The following TOP2B variants were observed in gnomAD, a reference collection of about 807,000 sequenced individuals.
TOP2B encodes the protein DNA topoisomerase II beta.
A neutral mutation model predicts 193.5 loss-of-function variants in TOP2B; 51 were observed. The ratio of observed to expected loss-of-function variants is 0.26; its 90% confidence interval spans 0.21 to 0.33. The LOEUF is 0.33. TOP2B is among the 10% of genes least tolerant of loss of function. The pLI is 1.00. For synonymous variants in TOP2B, 634 were observed against 635.7 expected, an observed-to-expected ratio of 1.00 and a Z score of 0.04; for missense variants, 1,378 against 1,909.3, an observed-to-expected ratio of 0.72 and a Z score of 5.19.
intron 33 of TOP2B, among the ~76,000 whole-genome samples, chr3:25,603,151 T>A (rs1020476345): frequency 3.9e-5 from 6 of 152,170 alleles, no homozygotes; most frequent in African/African-American, 1.2e-4. Flanking sequence ...AAACGGGGTA[T>A]GTTTCAGGAA....
chr3:25,650,807 T>G (rs1703564795), intron 1 of TOP2B, among the ~76,000 whole-genome samples: 1 of 152,056 alleles, frequency 6.6e-6, no homozygotes, highest in Non-Finnish European at 1.5e-5. Context: ...GTTATCCATT[T>G]GTAAACTGCT....
intron 4 of TOP2B, among the ~76,000 whole-genome samples, chr3:25,640,936 T>TTTTG (rs887764022): frequency 1.3e-4 from 19 of 151,776 alleles, no homozygotes; most frequent in East Asian, 1.9e-4. Context: ...ATTTTGGTGT[T>TTTTG]TTTGTTTGTT....
At chr3:25,631,291 C>T (rs1270509473) in intron 10 of TOP2B, among the ~76,000 whole-genome samples, 1 of 151,996 alleles carries the variant, frequency 6.6e-6, no homozygotes, top group African/African-American at 2.4e-5. Flanking sequence ...AAATTCCAGA[C>T]GTTGACATTT....
rs916525197 is a variant in TOP2B at position 25,624,957 on chromosome 3, TTTTG to T, written c.2225-158_2225-155del. The stretch of plus-strand genomic sequence containing the variant: ...AAGTGAGTACATACTAACACGTTTG[TTTTG>T]TTTGTTTGTTTTTTCCTAGAAAGCC... On this transcript the variant is annotated intron_variant, in intron 18 of 35. Transcript: ENST00000264331. The T allele has an allele frequency of 2.5e-4, 171 of 695,506 alleles. 1 individual carries two copies. Among genetic ancestry groups the T allele is most frequent in the African/African-American group, 2.2e-3 (122 of 55,064 alleles). The allele number at this position is 695,506 out of a possible 1,614,324, so 43.1% of individuals were successfully genotyped here. A position where few individuals can be genotyped will look rare whatever the true frequency, so the allele number is the denominator to read the frequency against.
intron 7 of TOP2B, 50 bp downstream of exon 7, chr3:25,635,886 T>G (rs1559503115): frequency 6.7e-7 from 1 of 1,502,714 alleles, no homozygotes; most frequent in Admixed American, 1.8e-5. Context: ...CCCAACAATA[T>G]TCTCTCTATA....
chr3:25,648,632 A>G (rs149198351), intron 1 of TOP2B, among the ~76,000 whole-genome samples: 13 of 152,108 alleles, frequency 8.5e-5, no homozygotes, highest in African/African-American at 1.2e-4. Context: ...TGAGGCAGGC[A>G]GATCCCTTGA....
chr3:25,624,166 T>C (rs1702736450), intron 20 of TOP2B, 131 bp downstream of exon 20: 5 of 1,109,174 alleles, frequency 4.5e-6, no homozygotes, highest in Non-Finnish European at 5.2e-6. Context: ...GTCAAATAAT[T>C]TGGAACATTC....
chr3:25,645,482 C>A lies in TOP2B; in HGVS notation c.70-12G>T. On this transcript the variant is annotated splice_polypyrimidine_tract_variant and intron_variant, in intron 1 of 35. Coordinates refer to ENST00000264331, the MANE Select transcript of TOP2B (RefSeq NM_001330700.2). ...TGATCAAAAAGAGTCTAAAATTAAC[C>A]AAAAAATCAAATTTAAATAACCTAC... 1.3e-6 allele frequency: 2 copies of A among 1,579,428 alleles called. No homozygotes were observed. The highest frequency in any genetic ancestry group is 1.2e-5 in the South Asian group (1 of 85,172).
chr3:25,632,301 A>G, intron 10 of TOP2B, 145 bp downstream of exon 10: 2 of 688,696 alleles, frequency 2.9e-6, no homozygotes, highest in Non-Finnish European at 2.4e-6. Flanking sequence ...AAAGTTATCA[A>G]ATTAAGCATA....
intron 1 of TOP2B, among the ~76,000 whole-genome samples, chr3:25,657,365 G>A (rs892093661): frequency 6.6e-6 from 1 of 152,134 alleles, no homozygotes; most frequent in African/African-American, 2.4e-5. Context: ...GGCCTTAGAA[G>A]AGAGAAGCTA....
At chr3:25,610,405 A>C (rs147786263) in intron 28 of TOP2B, among the ~76,000 whole-genome samples, 1 of 152,340 alleles carries the variant, frequency 6.6e-6, no homozygotes, top group East Asian at 1.9e-4. Context: ...ACTCTGCTCA[A>C]GGCAGGGTCA....
intron 7 of TOP2B, 74 bp from the exon 8 acceptor site, chr3:25,634,088 G>A (rs749727087): frequency 3.3e-5 from 37 of 1,116,560 alleles, no homozygotes; most frequent in East Asian, 2.9e-4. Flanking sequence ...CCTTCAGTAC[G>A]TATACTTTCA....
chr3:25,610,183 C>CAA (rs201683878), intron 28 of TOP2B, among the ~76,000 whole-genome samples: 2,414 of 133,952 alleles, frequency 0.018, 28 homozygotes, highest in Middle Eastern at 0.046. Context: ...AACTCTGTCT[C>CAA]AAAAAAAAAA....
At chr3:25,653,163 G>A (rs1383163568) in intron 1 of TOP2B, among the ~76,000 whole-genome samples, 1 of 152,174 alleles carries the variant, frequency 6.6e-6, no homozygotes, top group East Asian at 1.9e-4. Context: ...ACAAAGAAAA[G>A]CCCAGTACCA....
chr3:25,611,002 T>C (rs1338714258), intron 28 of TOP2B, among the ~76,000 whole-genome samples: 1 of 152,194 alleles, frequency 6.6e-6, no homozygotes, highest in African/African-American at 2.4e-5. Context: ...GATAGTGTCA[T>C]TAACTGGGAT....
intron 1 of TOP2B, among the ~76,000 whole-genome samples, chr3:25,649,098 A>T (rs537223889): frequency 6.6e-6 from 1 of 152,242 alleles, no homozygotes; most frequent in Admixed American, 6.5e-5. Context: ...AAATGAATTG[A>T]AAATACACTA....
intron 10 of TOP2B, 50 bp downstream of exon 10, chr3:25,632,396 C>G: frequency 1.4e-6 from 2 of 1,436,978 alleles, no homozygotes; most frequent in Non-Finnish European, 1.9e-6. Flanking sequence ...AAGAAAACTA[C>G]CTAATCAACT....
intron 7 of TOP2B, 74 bp downstream of exon 7, chr3:25,635,862 T>C: frequency 7.7e-7 from 1 of 1,297,782 alleles, no homozygotes; most frequent in Non-Finnish European, 1.1e-6. Flanking sequence ...CAGATGAGCT[T>C]TAAAAAAGGA....
chr3:25,609,649 C>A lies in TOP2B; in HGVS notation c.3850G>T (p.Glu1284Ter). The change falls in exon 29 of 36, where the codon GAA becomes TAA. Residue 1284 changes from glutamate to a stop codon, truncating the protein, a stop_gained. Coordinates refer to ENST00000264331, the MANE Select transcript of TOP2B (RefSeq NM_001330700.2). LOFTEE classifies it high-confidence loss of function. ...FDEEFSGAPV[E>*]GAGEEALTPS... ...GTCAATGCCTCTTCTCCTGCACCTTCTACTGGTGCTCCACTGAATTCTTCA... is the reference window on the plus strand; with the variant it reads ...GTCAATGCCTCTTCTCCTGCACCTTATACTGGTGCTCCACTGAATTCTTCA... 6.4e-7 allele frequency: 1 copy of A among 1,564,050 alleles called. No homozygotes were observed. The highest frequency in any genetic ancestry group is 8.6e-7 in the Non-Finnish European group (1 of 1,157,736).
Sources: allele counts gnomAD v4.1 joint callset (sites outside exome capture counted in the v4.1 genomes callset), GRCh38; gene constraint gnomAD v4.1.1; transcripts MANE v1.5; gene names NCBI Gene and HGNC (gene_info 2026-07-23, HGNC 2026-07-21).